Variants in CFAP44 observed in about 807,000 individuals in gnomAD.
CFAP44 encodes cilia- and flagella-associated protein 44.
CFAP44 carries 134 observed loss-of-function variants against 216.2 expected under a neutral mutation model. That is an observed-to-expected ratio of 0.62 (90% CI 0.54 to 0.72). CFAP44 has a LOEUF of 0.72. Ranked by LOEUF, CFAP44 falls within the 30% of genes least tolerant of loss-of-function variation. CFAP44 has a pLI of 0.00. For synonymous variants in CFAP44, 700 were observed against 727.6 expected, an observed-to-expected ratio of 0.96 and a Z score of 0.61; for missense variants, 2,035 against 2,182.1, an observed-to-expected ratio of 0.93 and a Z score of 1.34.
chr3:113,395,775 T>C lies in CFAP44; in HGVS notation c.1865A>G (p.Gln622Arg). The change falls in exon 15 of 35, where the codon CAG (glutamine) becomes CGG (arginine). Residue 622 changes from glutamine (Q) to arginine (R), a missense_variant. By Grantham distance (43) the Gln-to-Arg change is conservative. Coordinates refer to ENST00000393845, the MANE Select transcript of CFAP44 (RefSeq NM_001164496.2). The part of the protein sequence containing the change: ...GYINTPGPVC[Q>R]LMWSPMSHPE... Reference sequence around the variant, plus strand: ...ATGAGACATGGGAGACCACATTAACTGACACACAGGTCCAGGAGTATTAAT... The same window carrying C: ...ATGAGACATGGGAGACCACATTAACCGACACACAGGTCCAGGAGTATTAAT... 1 of 1,613,026 alleles carries C rather than the reference T, an allele frequency of 6.2e-7. No individual in the cohort carries two copies.
intron 4 of CFAP44, among the ~76,000 whole-genome samples, chr3:113,421,354 G>A (rs1392834070): frequency 6.6e-6 from 1 of 152,210 alleles, no homozygotes; most frequent in Non-Finnish European, 1.5e-5. Context: ...ATGTTGGTGA[G>A]GCTACAGACA....
At chr3:113,321,692 A>C (rs549431451) in intron 28 of CFAP44, among the ~76,000 whole-genome samples, 13 of 152,372 alleles carry the variant, frequency 8.5e-5, no homozygotes, top group African/African-American at 3.1e-4. Flanking sequence ...ATCAATATAC[A>C]AAAATCAGTA....
chr3:113,334,397 A>T (rs1259446117), intron 24 of CFAP44, among the ~76,000 whole-genome samples: 1 of 152,230 alleles, frequency 6.6e-6, no homozygotes, highest in Non-Finnish European at 1.5e-5. Flanking sequence ...AAAACATTGT[A>T]AATTATCAGA....
chr3:113,341,995 G>A, intron 23 of CFAP44, 77 bp from the exon 24 acceptor site: 1 of 1,405,536 alleles, frequency 7.1e-7, no homozygotes, highest in Non-Finnish European at 9.4e-7. Context: ...TTAACCTGCT[G>A]CATTAGAAAA....
intron 19 of CFAP44, 27 bp from the exon 20 acceptor site, chr3:113,363,559 C>T: frequency 6.4e-7 from 1 of 1,569,650 alleles, no homozygotes; most frequent in Non-Finnish European, 8.6e-7. Context: ...AAAAGGTTAG[C>T]CCTTTAAAAT....
chr3:113,290,178 A>G lies in CFAP44; in HGVS notation c.*1379T>C, dbSNP rs1375920970. The G allele has an allele frequency of 6.6e-6, 1 of 152,188 alleles. No homozygotes were observed. The highest frequency in any genetic ancestry group is 2.4e-5 in the African/African-American group (1 of 41,426). 9.4% of individuals were successfully genotyped at this position (152,188 alleles called of 1,614,324 possible). Reference sequence around the variant, plus strand: ...ACACATGGCTTAGGATATACAACACAGAAAGTGATTTAAAAAAAAAAGTGG... The same window carrying G: ...ACACATGGCTTAGGATATACAACACGGAAAGTGATTTAAAAAAAAAAGTGG... On this transcript the variant is annotated 3_prime_UTR_variant, in exon 35 of 35. Transcript: ENST00000393845.
At chr3:113,297,878 A>T (rs920220866) in intron 32 of CFAP44, among the ~76,000 whole-genome samples, 2 of 152,368 alleles carry the variant, frequency 1.3e-5, no homozygotes, top group African/African-American at 4.8e-5. Flanking sequence ...GTATTGGGGC[A>T]TAATTGTTAC....
Position 113,426,297 on chromosome 3 carries a change from TAAG to T in CFAP44, c.254-23_254-21del, listed in dbSNP as rs767342913. The T allele has an allele frequency of 6.2e-7, 1 of 1,610,576 alleles. No individual in the cohort carries two copies. The highest frequency in any genetic ancestry group is 1.1e-5 in the South Asian group (1 of 90,674). ...GAGGTACTAAAAAAATAAAATAATT[TAAG>T]AAGAGTGATATGGTTTGGCTGTGTC... On this transcript the variant is annotated intron_variant, in intron 3 of 34. Transcript: ENST00000393845.
At chr3:113,304,147 T>A (rs1450595426) in intron 31 of CFAP44, 30 bp from the exon 32 acceptor site, 1 of 1,523,856 alleles carries the variant, frequency 6.6e-7, no homozygotes, top group Admixed American at 2.0e-5. Flanking sequence ...CAAAAGAAAA[T>A]AGACAAAAAC....
chr3:113,323,273 T>C (rs1029692079), intron 28 of CFAP44, among the ~76,000 whole-genome samples: 1 of 152,156 alleles, frequency 6.6e-6, no homozygotes, highest in Non-Finnish European at 1.5e-5. Flanking sequence ...CATTGAATAC[T>C]ACACAGCCAT....
intron 8 of CFAP44, 104 bp downstream of exon 8, chr3:113,406,823 A>G (rs1054603412): frequency 3.0e-6 from 2 of 676,458 alleles, no homozygotes; most frequent in Non-Finnish European, 5.0e-6. Flanking sequence ...ATTTACAATA[A>G]TATCTGTTAT....
intron 28 of CFAP44, among the ~76,000 whole-genome samples, chr3:113,320,408 A>G (rs937177756): frequency 7.0e-6 from 1 of 142,690 alleles, no homozygotes; most frequent in Non-Finnish European, 1.6e-5. Flanking sequence ...GAGCAGATAT[A>G]TACATGATAT....
chr3:113,347,031 A>C (rs1950391572), intron 22 of CFAP44, among the ~76,000 whole-genome samples: 1 of 152,170 alleles, frequency 6.6e-6, no homozygotes, highest in African/African-American at 2.4e-5. Context: ...GGCGACCCAG[A>C]TGGGACATCG....
intron 8 of CFAP44, among the ~76,000 whole-genome samples, chr3:113,406,410 G>T (rs548101803): frequency 6.6e-6 from 1 of 152,228 alleles, no homozygotes; most frequent in South Asian, 2.1e-4. Flanking sequence ...GGATCACGAG[G>T]TCAGGAGATC....
intron 34 of CFAP44, chr3:113,294,083 C>A (rs1055556585): frequency 2.2e-6 from 1 of 456,298 alleles, no homozygotes; most frequent in Non-Finnish European, 4.4e-6. Context: ...AAACAACTGG[C>A]CTTTTTGCAG....
At position 113,291,324 on chromosome 3, in the gene CFAP44, G is replaced by C; in HGVS notation, c.*233C>G. On this transcript the variant is annotated 3_prime_UTR_variant, in exon 35 of 35. Transcript: ENST00000393845. ...CCGAGACTTCATATTCAATCTAGTAGGTTCGAAACATCTAAAATGATTCAG... is the reference window on the plus strand; with the variant it reads ...CCGAGACTTCATATTCAATCTAGTACGTTCGAAACATCTAAAATGATTCAG... The C allele has an allele frequency of 2.3e-6, 1 of 440,610 alleles. No individual in the cohort carries two copies. Among genetic ancestry groups the C allele is most frequent in the Non-Finnish European group, 4.1e-6 (1 of 244,880 alleles). 27.3% of individuals were successfully genotyped at this position (440,610 alleles called of 1,614,324 possible).
intron 28 of CFAP44, among the ~76,000 whole-genome samples, chr3:113,313,756 C>A (rs1950062210): frequency 6.6e-6 from 1 of 152,190 alleles, no homozygotes; most frequent in Non-Finnish European, 1.5e-5. Flanking sequence ...TTCTCATTTT[C>A]TCTTGCCACC....
At position 113,403,849 on chromosome 3, in the gene CFAP44, T is replaced by C; in HGVS notation, c.1170+3A>G. On this transcript the variant is annotated splice_donor_region_variant and intron_variant, in intron 9 of 34. Transcript: ENST00000393845. ...CTACCATCCAAGTATCGAGAAAACT[T>C]ACCCTAACATATCCATCTGACCCAA... The C allele has an allele frequency of 6.2e-7, 1 of 1,611,298 alleles. No homozygotes were observed. Among genetic ancestry groups the C allele is most frequent in the East Asian group, 2.2e-5 (1 of 44,746 alleles).
intron 15 of CFAP44, 80 bp from the exon 16 acceptor site, chr3:113,381,140 T>C: frequency 9.6e-7 from 1 of 1,042,464 alleles, no homozygotes; most frequent in Non-Finnish European, 1.3e-6. Flanking sequence ...AATAAAAATA[T>C]AATTACTATG....
Sources: gnomAD v4.1 joint callset for allele counts (sites outside exome capture counted in the v4.1 genomes callset) on GRCh38, gnomAD v4.1.1 for gene constraint, MANE v1.5 for transcripts, NCBI Gene and HGNC (gene_info 2026-07-23, HGNC 2026-07-21) for gene names.